The following KIF13A variants were observed in gnomAD, a reference collection of about 807,000 sequenced individuals.
The protein encoded by KIF13A is kinesin family member 13A.
Under a neutral mutation model 212.2 loss-of-function variants are expected in KIF13A, and 79 were observed. The observed-to-expected ratio is 0.37, with a 90% confidence interval of 0.31 to 0.45. KIF13A has a LOEUF of 0.45. Among genes scored for constraint, KIF13A ranks in the 20% least tolerant of loss-of-function variants. The pLI is 1.00. For missense variants in KIF13A, 1,901 were observed against 2,209.0 expected, an observed-to-expected ratio of 0.86 and a Z score of 2.79; for synonymous variants, 789 against 808.6, an observed-to-expected ratio of 0.98 and a Z score of 0.41.
At chr6:17,827,544 G>T (rs574199334) in intron 14 of KIF13A, among the ~76,000 whole-genome samples, 1 of 146,868 alleles carries the variant, frequency 6.8e-6, no homozygotes, top group Admixed American at 6.8e-5. Flanking sequence ...ACAGGGTCTC[G>T]CTCTGTAACC....
rs758168520 is a variant in KIF13A, at chr6:17,786,908, G to A, written c.3361+868C>T. 2.0e-5 allele frequency among the ~76,000 whole-genome samples: 3 copies of A among 152,164 alleles called. No individual in the cohort carries two copies. The highest frequency in any genetic ancestry group is 4.4e-5 in the Non-Finnish European group (3 of 68,028). ...GTTCTTTGCTGCAGAACCAACCACCGTGAGTGGACCATGATGTCTGGATGA... is the reference window on the plus strand; with the variant it reads ...GTTCTTTGCTGCAGAACCAACCACCATGAGTGGACCATGATGTCTGGATGA... On this transcript the variant is annotated intron_variant, in intron 27 of 38. Transcript: ENST00000259711. This position sits in a 1 kb window ranked among gnomAD's most constrained non-coding sequence, Gnocchi z 5.4.
intron 3 of KIF13A, among the ~76,000 whole-genome samples, chr6:17,876,616 T>A (rs1363458471): frequency 7.8e-6 from 1 of 128,524 alleles, no homozygotes; most frequent in African/African-American, 3.1e-5. Flanking sequence ...TCTGTGTGTG[T>A]GAGACAGCAT....
intron 2 of KIF13A, among the ~76,000 whole-genome samples, chr6:17,970,835 T>G (rs1779751050): frequency 6.6e-6 from 1 of 152,228 alleles, no homozygotes. Context: ...GAGCACACTC[T>G]TGGCTACAAC....
At position 17,856,499 on chromosome 6, in the gene KIF13A, A is replaced by G. The variant is rs1420483214; in HGVS notation, c.221-377T>C. On this transcript the variant is annotated intron_variant, in intron 4 of 38. Transcript: ENST00000259711. This position sits in a 1 kb window ranked among gnomAD's most constrained non-coding sequence, Gnocchi z 4.5. ...AGATTCTGAACTGCCACTGAACAAG[A>G]CCATGTTATACACACCTTGGTATCT... Among the ~76,000 whole-genome samples the G allele has an allele frequency of 6.6e-6, 1 of 152,216 alleles. No individual in the cohort carries two copies. The highest frequency in any genetic ancestry group is 1.5e-5 in the Non-Finnish European group (1 of 68,038).
At chr6:17,945,495 A>T (rs1384026603) in intron 2 of KIF13A, among the ~76,000 whole-genome samples, 3 of 152,194 alleles carry the variant, frequency 2.0e-5, no homozygotes, top group Non-Finnish European at 2.9e-5. Context: ...TACTTCAATT[A>T]AAAAAATTAA....
In KIF13A at chr6:17,773,458, C is replaced by G. The variant is rs367717849; in HGVS notation, c.4324+20G>C. 1 of 1,401,546 alleles carries G rather than the reference C, an allele frequency of 7.1e-7. No homozygotes were observed. The highest frequency in any genetic ancestry group is 2.3e-5 in the East Asian group (1 of 43,818). The allele number at this position is 1,401,546 out of a possible 1,614,324, so 86.8% of individuals were successfully genotyped here. A position where few individuals can be genotyped will look rare whatever the true frequency, so the allele number is the denominator to read the frequency against. ...AAGTAATTACAAAGAAATATCACTG[C>G]AAAATAATCTCACCACTACCTTCTT... On this transcript the variant is annotated intron_variant, in intron 36 of 38. Coordinates refer to ENST00000259711, the MANE Select transcript of KIF13A (RefSeq NM_022113.6). The surrounding 1 kb of genome is among the most constrained non-coding windows in gnomAD (Gnocchi z 4.2).
intron 33 of KIF13A, 135 bp downstream of exon 33, chr6:17,778,812 G>T: frequency 1.0e-6 from 1 of 979,002 alleles, no homozygotes; most frequent in Non-Finnish European, 1.6e-6. Flanking sequence ...TTTTGCCAGA[G>T]TCCTTTCAAT....
intron 9 of KIF13A, among the ~76,000 whole-genome samples, chr6:17,846,515 C>A (rs1767077148): frequency 6.6e-6 from 1 of 150,524 alleles, no homozygotes; most frequent in South Asian, 2.1e-4. Context: ...CACCTATAAC[C>A]CTAGCACTTT....
At chr6:17,909,066 G>T (rs1245916523) in intron 2 of KIF13A, among the ~76,000 whole-genome samples, 1 of 152,214 alleles carries the variant, frequency 6.6e-6, no homozygotes, top group Non-Finnish European at 1.5e-5. Flanking sequence ...TCATTAGCAT[G>T]CAGAGTTATT....
rs1202634400 is a variant in KIF13A, at chr6:17,808,950, G to A, written c.2001-20C>T. ...TCATCCCTGCAGTGTCATAGAAAAGGGAACGAGAAAATCTAAAGGAAAACT... is the reference window on the plus strand; with the variant it reads ...TCATCCCTGCAGTGTCATAGAAAAGAGAACGAGAAAATCTAAAGGAAAACT... On this transcript the variant is annotated intron_variant, in intron 17 of 38. Transcript: ENST00000259711. 1 of 1,549,946 alleles carries A rather than the reference G, an allele frequency of 6.5e-7. No homozygotes were observed. Among genetic ancestry groups the A allele is most frequent in the Non-Finnish European group, 8.7e-7 (1 of 1,147,632 alleles).
chr6:17,801,182 G>A (rs1762444188), intron 20 of KIF13A, among the ~76,000 whole-genome samples: 1 of 152,038 alleles, frequency 6.6e-6, no homozygotes, highest in Admixed American at 6.5e-5. Context: ...AGTAAAGGGA[G>A]GCAAGACAGA....
At chr6:17,877,139 CTT>C (rs1414673793) in intron 3 of KIF13A, among the ~76,000 whole-genome samples, 7 of 72,492 alleles carry the variant, frequency 9.7e-5, no homozygotes, top group Non-Finnish European at 1.5e-4. Context: ...TTCTCTCTCT[CTT>C]GCCAAAAAAA....
In KIF13A at chr6:17,963,102, A is replaced by G. The variant is rs1179756647; in HGVS notation, c.146+23952T>C. On this transcript the variant is annotated intron_variant, in intron 2 of 38. Coordinates refer to ENST00000259711, the MANE Select transcript of KIF13A (RefSeq NM_022113.6). The surrounding 1 kb of genome is among the most constrained non-coding windows in gnomAD (Gnocchi z 4.1). ...TCCCTTTAAATGTTGTGACCAATGG[A>G]AGTGAGGTGAGGGAGTAAGAGTGTC... 2.0e-5 allele frequency among the ~76,000 whole-genome samples: 3 copies of G among 152,200 alleles called. No homozygotes were observed. The highest frequency in any genetic ancestry group is 2.0e-4 in the Admixed American group (3 of 15,282).
Position 17,951,029 on chromosome 6 carries a change from T to C in KIF13A, c.146+36025A>G. 9.8e-7 allele frequency: 1 copy of C among 1,015,812 alleles called. No homozygotes were observed. Among genetic ancestry groups the C allele is most frequent in the Non-Finnish European group, 1.2e-6 (1 of 848,244 alleles). 62.9% of individuals were successfully genotyped at this position (1,015,812 alleles called of 1,614,324 possible). On this transcript the variant is annotated intron_variant, in intron 2 of 38. Transcript: ENST00000259711. The surrounding 1 kb of genome is among the most constrained non-coding windows in gnomAD (Gnocchi z 4.9). ...AACATAAATGACTAAATATATGGGC[T>C]ATCACAAACCCACTTTAGTAGTACA...
chr6:17,863,183 C>G (rs12200572), intron 4 of KIF13A, among the ~76,000 whole-genome samples: 28,040 of 152,048 alleles, frequency 0.18, 2,782 homozygotes, highest in South Asian at 0.31. Context: ...CTAGCTCCCA[C>G]AGAGGTCCCA....
In KIF13A at chr6:17,951,665, C is replaced by T. The variant is rs1209054338; in HGVS notation, c.146+35389G>A. ...AGGCAACCATTAATCTACTTTCTGT[C>T]TCCACGAATATGTCTGCTCTGGACA... On this transcript the variant is annotated intron_variant, in intron 2 of 38. Transcript: ENST00000259711. The surrounding 1 kb of genome is among the most constrained non-coding windows in gnomAD (Gnocchi z 4.9). 6.6e-6 allele frequency among the ~76,000 whole-genome samples: 1 copy of T among 151,656 alleles called. No individual in the cohort carries two copies. Among genetic ancestry groups the T allele is most frequent in the Non-Finnish European group, 1.5e-5 (1 of 67,832 alleles).
chr6:17,773,580 A>T lies in KIF13A; in HGVS notation c.4222T>A (p.Trp1408Arg), dbSNP rs1332254381. 6.3e-7 allele frequency: 1 copy of T among 1,594,214 alleles called. No homozygotes were observed. The highest frequency in any genetic ancestry group is 2.2e-5 in the East Asian group (1 of 44,736). The change falls in exon 36 of 39, where the codon TGG (tryptophan) becomes AGG (arginine). Residue 1408 changes from tryptophan (W) to arginine (R), a missense_variant. By Grantham distance (101) the Trp-to-Arg change is moderately radical. Transcript: ENST00000259711. This position sits in a 1 kb window ranked among gnomAD's most constrained non-coding sequence, Gnocchi z 4.2. The stretch of plus-strand genomic sequence containing the variant: ...GACATGTCCAACTGGTTCTCTGGCC[A>T]ACCCTACAAGGTAAAAATATGGGTT... ...LSGFDEDDKG[W>R]PENQLDMSDY...
chr6:17,770,706 C>T, intron 38 of KIF13A: 1 of 684,176 alleles, frequency 1.5e-6, no homozygotes, highest in Non-Finnish European at 1.8e-6. Context: ...AGCTTCCAAA[C>T]ATATCCACAG....
chr6:17,844,613 A>G (rs974210214), intron 9 of KIF13A, among the ~76,000 whole-genome samples: 5 of 152,234 alleles, frequency 3.3e-5, no homozygotes, highest in Non-Finnish European at 7.3e-5. Context: ...TTGAGGAACT[A>G]ATGTTAGACA....
Sources: gnomAD v4.1 joint callset for allele counts (sites outside exome capture counted in the v4.1 genomes callset) on GRCh38, gnomAD v4.1.1 for gene constraint, Gnocchi (gnomAD v3.1) non-coding constraint, MANE v1.5 for transcripts, NCBI Gene and HGNC (gene_info 2026-07-23, HGNC 2026-07-21) for gene names.